GRID2: variants seen among roughly 807,000 people sequenced by gnomAD.
GRID2 encodes the protein glutamate receptor ionotropic, delta-2.
A neutral mutation model predicts 114.8 loss-of-function variants in GRID2; 33 were observed. The ratio of observed to expected loss-of-function variants is 0.29; its 90% CI spans 0.22 to 0.38. GRID2 has a LOEUF of 0.38. Among genes scored for constraint, GRID2 ranks in the 10% least tolerant of loss-of-function variants. The pLI is 1.00. For synonymous variants in GRID2, 505 were observed against 449.9 expected (o/e 1.12, Z -1.55); for missense variants, 1,184 against 1,257.7 (o/e 0.94, Z 0.89).
intron 3 of GRID2, among the ~76,000 whole-genome samples, chr4:93,094,876 A>G (rs1731069217): frequency 6.6e-6 from 1 of 151,888 alleles, no homozygotes; most frequent in South Asian, 2.1e-4. Context: ...AACTACAAAT[A>G]AATAAATAAG....
At chr4:93,698,360 G>T (rs1412636293) in intron 14 of GRID2, among the ~76,000 whole-genome samples, 1 of 152,012 alleles carries the variant, frequency 6.6e-6, no homozygotes, top group African/African-American at 2.4e-5. Flanking sequence ...TGTCTCTGCA[G>T]GGTTTAATAA....
chr4:93,570,039 G>A (rs1213098119), intron 13 of GRID2, among the ~76,000 whole-genome samples: 2 of 152,068 alleles, frequency 1.3e-5, no homozygotes, highest in African/African-American at 4.8e-5. Flanking sequence ...TGAGACCAGG[G>A]ACCTTGTGAA....
chr4:93,796,308 A>T (rs1734799211), intron 1 of GRID2, among the ~76,000 whole-genome samples: 1 of 152,162 alleles, frequency 6.6e-6, no homozygotes, highest in South Asian at 2.1e-4. Context: ...GCAAAGAAGG[A>T]GGATTATATA....
At chr4:93,701,540 A>G (rs1727506848) in intron 14 of GRID2, among the ~76,000 whole-genome samples, 3 of 152,144 alleles carry the variant, frequency 2.0e-5, no homozygotes, top group African/African-American at 7.2e-5. Context: ...CTCAGTTTGG[A>G]AAAAAAGAAT....
At chr4:92,907,742 A>T (rs2149487602) in intron 2 of GRID2, among the ~76,000 whole-genome samples, 1 of 152,166 alleles carries the variant, frequency 6.6e-6, no homozygotes, top group African/African-American at 2.4e-5. Context: ...TTAAATTTTC[A>T]GCTGGGCACG....
intron 2 of GRID2, among the ~76,000 whole-genome samples, chr4:92,693,189 C>T (rs1407169991): frequency 3.3e-5 from 5 of 151,928 alleles, no homozygotes; most frequent in Admixed American, 6.6e-5. Context: ...ATGGAAACAA[C>T]GTTCTAGTAA....
At chr4:93,737,733 T>C (rs2110242797) in intron 14 of GRID2, among the ~76,000 whole-genome samples, 1 of 152,230 alleles carries the variant, frequency 6.6e-6, no homozygotes, top group Middle Eastern at 3.4e-3. Flanking sequence ...TGAGTTTATG[T>C]AGTAATACTT....
chr4:92,771,099 G>A (rs996989210), intron 2 of GRID2, among the ~76,000 whole-genome samples: 3 of 152,008 alleles, frequency 2.0e-5, no homozygotes, highest in African/African-American at 7.2e-5. Flanking sequence ...AGCAGTCCTT[G>A]AGAAACAAAA....
intron 11 of GRID2, among the ~76,000 whole-genome samples, chr4:93,460,779 G>A (rs1905725): frequency 0.7 from 105,730 of 151,992 alleles, 37,229 homozygotes; most frequent in African/African-American, 0.81. Context: ...TTGTTTATTA[G>A]ATTATAGTCT....
intron 1 of GRID2, among the ~76,000 whole-genome samples, chr4:92,579,302 G>A (rs1243645893): frequency 3.3e-5 from 5 of 151,868 alleles, no homozygotes; most frequent in South Asian, 2.1e-4. Flanking sequence ...CTCTATCATC[G>A]CTTTTAACAT....
At chr4:92,755,673 T>C (rs907096974) in intron 2 of GRID2, among the ~76,000 whole-genome samples, 2 of 152,104 alleles carry the variant, frequency 1.3e-5, no homozygotes, top group African/African-American at 4.8e-5. Flanking sequence ...GGAGGCAGTA[T>C]GGATAAAACA....
rs772086434 is a variant in GRID2, at chr4:93,455,929, C to G, written c.1813C>G (p.Leu605Val). Residue 605 changes from leucine to valine, a missense_variant, in exon 11 of 16, where the codon CTC becomes GTC. Around this residue, in one of 3 missense-constraint regions of GRID2, gnomAD observed 717 missense variants for 796.9 expected, o/e 0.90. Transcript: ENST00000282020. ...LQMGSMTSTT[L>V]YNSMWFVYGS... ...AATGGGATCAATGACGTCTACTACT[C>G]TCTACAACTCCATGTGGTTTGTGTA... is the stretch of plus-strand genomic sequence containing the variant. The G allele has an allele frequency of 6.2e-7, 1 of 1,611,038 alleles. No homozygotes were observed. Among genetic ancestry groups the G allele is most frequent in the Non-Finnish European group, 8.5e-7 (1 of 1,177,258 alleles).
At chr4:92,694,355 G>T (rs1734328003) in intron 2 of GRID2, among the ~76,000 whole-genome samples, 1 of 152,164 alleles carries the variant, frequency 6.6e-6, no homozygotes, top group South Asian at 2.1e-4. Context: ...CCAAAAGGAA[G>T]ATGGGAGAAA....
In GRID2 at chr4:93,110,771, T is replaced by C. The variant is rs1201060532; in HGVS notation, c.553T>C (p.Leu185=). The change falls in exon 4 of 16, where the codon TTG becomes CTG. Residue 185 remains leucine, a synonymous_variant. Coordinates refer to ENST00000282020, the MANE Select transcript of GRID2 (RefSeq NM_001510.4). ...AGATATCCGTGGAATACAGGAGTTC[T>C]TGGACAAAGTCTCTCAGCAGGGAAT... is the stretch of plus-strand genomic sequence containing the variant. ...EYDIRGIQEF[L]DKVSQQGMDV... 3.1e-6 allele frequency: 5 copies of C among 1,612,182 alleles called. No homozygotes were observed. In the African/African-American group the frequency reaches 4.0e-5, roughly 13 times the overall value.
intron 12 of GRID2, among the ~76,000 whole-genome samples, chr4:93,493,688 T>G (rs1336433357): frequency 6.6e-6 from 1 of 151,756 alleles, no homozygotes; most frequent in Non-Finnish European, 1.5e-5. Flanking sequence ...TTATCTAGAC[T>G]TTCATGCAAT....
chr4:92,791,373 G>A (rs1739583240), intron 2 of GRID2, among the ~76,000 whole-genome samples: 1 of 151,542 alleles, frequency 6.6e-6, no homozygotes, highest in Non-Finnish European at 1.5e-5. Flanking sequence ...GGGCTGATGT[G>A]ATAACTTAAA....
At chr4:93,438,261 A>G (rs954935225) in intron 10 of GRID2, among the ~76,000 whole-genome samples, 3 of 152,140 alleles carry the variant, frequency 2.0e-5, no homozygotes, top group South Asian at 2.1e-4. Context: ...GAAAAATGCC[A>G]TAGGGTAATA....
chr4:92,716,563 T>C (rs1479447852), intron 2 of GRID2, among the ~76,000 whole-genome samples: 1 of 152,206 alleles, frequency 6.6e-6, no homozygotes. Flanking sequence ...TGAAGAATGA[T>C]CATTTTGATG....
chr4:93,181,429 A>T (rs1473271838), intron 4 of GRID2, among the ~76,000 whole-genome samples: 1 of 152,164 alleles, frequency 6.6e-6, no homozygotes, highest in African/African-American at 2.4e-5. Flanking sequence ...AATGGTAAGG[A>T]ATACTGGCTT....
Sources: gnomAD v4.1 joint callset for allele counts (sites outside exome capture counted in the v4.1 genomes callset) on GRCh38, gnomAD v4.1.1 for gene constraint, gnomAD v4.1.1 regional missense constraint, MANE v1.5 for transcripts, NCBI Gene and HGNC (gene_info 2026-07-23, HGNC 2026-07-21) for gene names.